OTOGL: variants seen among roughly 807,000 people sequenced by gnomAD.
OTOGL encodes otogelin like, also known as otogelin-like protein.
OTOGL carries 285 observed loss-of-function variants against 318.5 expected under a neutral mutation model. The observed-to-expected ratio is 0.89, with a 90% CI of 0.81 to 0.99. The LOEUF (loss-of-function observed/expected upper bound fraction) is 0.99, where lower values mean the gene tolerates loss of function less well. Ranked by LOEUF, OTOGL falls within the 50% of genes least tolerant of loss-of-function variation. OTOGL has a pLI of 0.00. For synonymous variants in OTOGL, 987 were observed against 936.5 expected (o/e 1.05, Z -0.99); for missense variants, 2,899 against 2,845.6 (o/e 1.02, Z -0.43).
intron 44 of OTOGL, 85 bp downstream of exon 44, chr12:80,342,247 G>C (rs1888827473): frequency 4.6e-6 from 5 of 1,091,814 alleles, no homozygotes; most frequent in Admixed American, 2.6e-5. Context: ...TTGCTATAAT[G>C]TTCTTCTACT....
chr12:80,335,742 T>C (rs1888350754), intron 38 of OTOGL, among the ~76,000 whole-genome samples: 1 of 152,110 alleles, frequency 6.6e-6, no homozygotes, highest in East Asian at 1.9e-4. Context: ...GGCAATCTAA[T>C]GTCCAATCAA....
intron 30 of OTOGL, among the ~76,000 whole-genome samples, chr12:80,311,407 T>C (rs1886626058): frequency 6.6e-6 from 1 of 152,158 alleles, no homozygotes; most frequent in Non-Finnish European, 1.5e-5. Flanking sequence ...ACAGGGATAT[T>C]TGGCAGATAT....
At chr12:80,331,137 CTAGAATAGCCAAAACAGTCTTGAA>C (rs1320066383) in intron 37 of OTOGL, among the ~76,000 whole-genome samples, 1 of 151,994 alleles carries the variant, frequency 6.6e-6, no homozygotes, top group Non-Finnish European at 1.5e-5. Context: ...TACAAGGAAC[CTAGAATAGCCAAAACAGTCTTGAA>C]AAATAACTAA....
At chr12:80,200,617 A>G (rs1434467764) in intron 1 of OTOGL, among the ~76,000 whole-genome samples, 1 of 152,236 alleles carries the variant, frequency 6.6e-6, no homozygotes, top group Non-Finnish European at 1.5e-5. Flanking sequence ...AGATTCATCC[A>G]CATGGAGGAG....
At chr12:80,297,123 TCTTCTTA>T (rs1037410108) in intron 27 of OTOGL, among the ~76,000 whole-genome samples, 162 bp downstream of exon 27, 5 of 152,294 alleles carry the variant, frequency 3.3e-5, no homozygotes, top group Non-Finnish European at 5.9e-5. Flanking sequence ...TTGACTTCTC[TCTTCTTA>T]CTTCTTACTT....
Position 80,210,862 on chromosome 12 carries a change from C to T in OTOGL, c.95C>T (p.Ser32Leu), listed in dbSNP as rs760011677. ...TCTCTGGCAGAATATATTTGTGCAT[C>T]GTCTATATTGATGGGAACATCAAAG... ...LFSLQEYICA[S>L]SILMGTSKNG... is the part of the protein sequence containing the mutation. Residue 32 changes from serine to leucine, a missense_variant, in exon 3 of 59, where the codon TCG becomes TTG. Around this residue, in one of 3 missense-constraint regions of OTOGL, gnomAD observed 2,607 missense variants for 2,524.9 expected, o/e 1.03. Coordinates refer to ENST00000547103, the MANE Select transcript of OTOGL (RefSeq NM_001378609.3). 299 of 1,472,380 alleles carry T rather than the reference C, an allele frequency of 2.0e-4. No individual in the cohort carries two copies. The highest frequency in any genetic ancestry group is 3.4e-4 in the Middle Eastern group (2 of 5,836). The allele number at this position is 1,472,380 out of a possible 1,614,324, so 91.2% of individuals were successfully genotyped here.
At chr12:80,335,445 T>C (rs1324038200) in intron 38 of OTOGL, among the ~76,000 whole-genome samples, 3 of 152,108 alleles carry the variant, frequency 2.0e-5, no homozygotes, top group Non-Finnish European at 4.4e-5. Context: ...CTACCACTTA[T>C]TTATTTATTA....
intron 4 of OTOGL, among the ~76,000 whole-genome samples, chr12:80,215,460 C>A (rs1245442989): frequency 1.3e-5 from 2 of 152,070 alleles, no homozygotes; most frequent in Non-Finnish European, 2.9e-5. Flanking sequence ...AGCCACCGCG[C>A]CCGGCCTGCA....
intron 38 of OTOGL, among the ~76,000 whole-genome samples, chr12:80,334,119 A>G (rs1366992937): frequency 6.6e-6 from 1 of 152,140 alleles, no homozygotes; most frequent in African/African-American, 2.4e-5. Context: ...AGAACTGTTT[A>G]GGAGGCTATT....
intron 1 of OTOGL, among the ~76,000 whole-genome samples, chr12:80,121,502 C>T (rs1265507992): frequency 6.6e-6 from 1 of 152,112 alleles, no homozygotes; most frequent in Non-Finnish European, 1.5e-5. Flanking sequence ...CTAATCCCTC[C>T]CTAGAGCAGA....
chr12:80,156,953 C>T (rs763955863), intron 1 of OTOGL, among the ~76,000 whole-genome samples: 1 of 151,994 alleles, frequency 6.6e-6, no homozygotes, highest in Non-Finnish European at 1.5e-5. Flanking sequence ...TGGGTATATA[C>T]CCAGCAGTGG....
At chr12:80,227,557 C>T (rs1878974860) in intron 7 of OTOGL, among the ~76,000 whole-genome samples, 2 of 152,162 alleles carry the variant, frequency 1.3e-5, no homozygotes, top group African/African-American at 4.8e-5. Flanking sequence ...TGTTGGACTA[C>T]TGTGAGAGTG....
chr12:80,329,231 TA>T (rs1887912944), intron 37 of OTOGL, 112 bp downstream of exon 37: 2 of 811,386 alleles, frequency 2.5e-6, no homozygotes. Flanking sequence ...ACCTATGGGC[TA>T]GGAAACCCAG....
chr12:80,292,516 T>C (rs1885114003), intron 26 of OTOGL, among the ~76,000 whole-genome samples: 1 of 152,172 alleles, frequency 6.6e-6, no homozygotes, highest in African/African-American at 2.4e-5. Context: ...ATCAGAAACC[T>C]GCCTTCAAGA....
intron 11 of OTOGL, among the ~76,000 whole-genome samples, chr12:80,244,894 G>C (rs61950630): frequency 4.8e-5 from 7 of 146,550 alleles, no homozygotes; most frequent in Non-Finnish European, 1.0e-4. Context: ...TAGTGGTTTT[G>C]ATTTGCATTT....
intron 44 of OTOGL, among the ~76,000 whole-genome samples, chr12:80,344,307 A>C (rs1262140115): frequency 1.3e-5 from 2 of 152,214 alleles, no homozygotes; most frequent in Non-Finnish European, 2.9e-5. Flanking sequence ...CAGCTTGACT[A>C]TTCAAGGCAT....
At chr12:80,308,638 C>T (rs553531993) in intron 29 of OTOGL, among the ~76,000 whole-genome samples, 2 of 152,108 alleles carry the variant, frequency 1.3e-5, no homozygotes, top group Non-Finnish European at 2.9e-5. Context: ...GAGGTTGTAG[C>T]GAGCCGAGAT....
Position 80,195,454 on chromosome 12 carries a change from CA to C in OTOGL, c.-19-13957del, listed in dbSNP as rs550539088. On this transcript the variant is annotated intron_variant, in intron 1 of 58. Coordinates refer to ENST00000547103, the MANE Select transcript of OTOGL (RefSeq NM_001378609.3). ...TAAAGGGAAATCAATTTCCTATACA[CA>C]AGGTAAATAAAAATAAAATAGGCTG... 1.9e-4 allele frequency among the ~76,000 whole-genome samples: 29 copies of C among 152,128 alleles called. No homozygotes were observed. In the East Asian group the frequency reaches 5.6e-3, roughly 29 times the overall value.
rs943696637 is a variant in OTOGL, at chr12:80,307,011, T to C, written c.3333+1316T>C. On this transcript the variant is annotated intron_variant, in intron 29 of 58. Transcript: ENST00000547103. ...GAGATTAGGGAGTGGTGATGACTCT[T>C]AACGAGCATGCTGCCTTCAAGCATC... Among the ~76,000 whole-genome samples, 2 of 148,002 alleles carry C rather than the reference T, an allele frequency of 1.4e-5. 1 individual carries two copies. Among genetic ancestry groups the C allele is most frequent in the African/African-American group, 5.3e-5 (2 of 37,590 alleles).
Sources: allele counts gnomAD v4.1 joint callset (sites outside exome capture counted in the v4.1 genomes callset), GRCh38; gene constraint gnomAD v4.1.1; regional missense constraint gnomAD v4.1.1; transcripts MANE v1.5; gene names NCBI Gene and HGNC (gene_info 2026-07-23, HGNC 2026-07-21).